NUBPL: variants seen among roughly 807,000 people sequenced by gnomAD.
The protein encoded by NUBPL is iron-sulfur cluster transfer protein NUBPL.
NUBPL carries 31 observed loss-of-function variants against 45.7 expected under a neutral mutation model. That is an observed-to-expected ratio of 0.68 (90% CI 0.51 to 0.92). The LOEUF is 0.92. Among genes scored for constraint, NUBPL ranks in the 40% least tolerant of loss-of-function variants. The pLI is 0.00. For synonymous variants in NUBPL, 144 were observed against 140.9 expected (o/e 1.02, Z -0.15); for missense variants, 401 against 398.7 (o/e 1.01, Z -0.05).
chr14:31,671,683 T>A (rs926619921), intron 4 of NUBPL, among the ~76,000 whole-genome samples: 4 of 152,154 alleles, frequency 2.6e-5, no homozygotes, highest in Admixed American at 2.0e-4. Context: ...AAATTAGGTA[T>A]GGGGAGATTG....
At chr14:31,819,491 A>G (rs2039979134) in intron 7 of NUBPL, among the ~76,000 whole-genome samples, 1 of 152,192 alleles carries the variant, frequency 6.6e-6, no homozygotes, top group African/African-American at 2.4e-5. Flanking sequence ...AGAATTAGAT[A>G]CAATCTATGC....
At chr14:31,669,141 G>T (rs2036509783) in intron 4 of NUBPL, among the ~76,000 whole-genome samples, 1 of 152,130 alleles carries the variant, frequency 6.6e-6, no homozygotes, top group Non-Finnish European at 1.5e-5. Context: ...AAGACTACAG[G>T]CATGCACCAC....
intron 3 of NUBPL, among the ~76,000 whole-genome samples, chr14:31,585,887 C>G (rs1180793264): frequency 6.6e-6 from 1 of 152,128 alleles, no homozygotes; most frequent in African/African-American, 2.4e-5. Context: ...TACAGATGTA[C>G]AGATGAATTG....
At chr14:31,779,714 T>C (rs549963774) in intron 6 of NUBPL, among the ~76,000 whole-genome samples, 12 of 152,312 alleles carry the variant, frequency 7.9e-5, no homozygotes, top group African/African-American at 2.2e-4. Context: ...AATCTACAGA[T>C]AGATAACAAG....
chr14:31,730,565 G>A (rs759918199), intron 6 of NUBPL, among the ~76,000 whole-genome samples: 3 of 151,012 alleles, frequency 2.0e-5, no homozygotes, highest in South Asian at 2.1e-4. Context: ...CTGGGTTCAC[G>A]CCATTCTCCT....
At chr14:31,827,740 T>C (rs759936259) in intron 8 of NUBPL, among the ~76,000 whole-genome samples, 1 of 152,172 alleles carries the variant, frequency 6.6e-6, no homozygotes, top group South Asian at 2.1e-4. Context: ...TGCCTACAAG[T>C]ATTTGTTTTG....
chr14:31,721,521 G>A (rs2037807771), intron 6 of NUBPL, among the ~76,000 whole-genome samples: 1 of 151,790 alleles, frequency 6.6e-6, no homozygotes, highest in Non-Finnish European at 1.5e-5. Flanking sequence ...TTTCAGATGA[G>A]GAAACAGAAG....
chr14:31,829,073 A>G (rs2040149720), intron 8 of NUBPL, among the ~76,000 whole-genome samples: 3 of 152,226 alleles, frequency 2.0e-5, no homozygotes, highest in Non-Finnish European at 4.4e-5. Context: ...GAAAGTTGAT[A>G]TTAGAGTATA....
At chr14:31,655,830 G>C (rs539983339) in intron 4 of NUBPL, among the ~76,000 whole-genome samples, 52 of 152,274 alleles carry the variant, frequency 3.4e-4, no homozygotes, top group African/African-American at 1.2e-3. Flanking sequence ...TTTCAAAATG[G>C]TCAGTGAATA....
intron 4 of NUBPL, among the ~76,000 whole-genome samples, chr14:31,637,217 T>C (rs2035530517): frequency 1.3e-5 from 2 of 152,228 alleles, no homozygotes; most frequent in Admixed American, 6.5e-5. Context: ...CTTTCTCTTG[T>C]GGGCATTTAG....
chr14:31,793,842 T>TTTA (rs1333703005), intron 7 of NUBPL, among the ~76,000 whole-genome samples: 1,927 of 124,986 alleles, frequency 0.015, 53 homozygotes, highest in African/African-American at 0.077. Flanking sequence ...TTTTTTTTTA[T>TTTA]TTTTTTTTTT....
At chr14:31,662,190 C>T (rs1595454740) in intron 4 of NUBPL, 1 of 151,680 alleles carries the variant, frequency 6.6e-6, no homozygotes, top group African/African-American at 2.4e-5. Context: ...TGAATCTGCT[C>T]ACATTTCTGA....
intron 6 of NUBPL, among the ~76,000 whole-genome samples, chr14:31,728,139 G>GT (rs1051469432): frequency 4.0e-5 from 6 of 151,764 alleles, no homozygotes; most frequent in Admixed American, 1.3e-4. Flanking sequence ...ATTGAAGCTA[G>GT]TTTTTTTTAC....
chr14:31,698,648 G>T (rs1476224077), intron 6 of NUBPL, among the ~76,000 whole-genome samples: 1 of 152,052 alleles, frequency 6.6e-6, no homozygotes, highest in East Asian at 1.9e-4. Flanking sequence ...CACGAAACCT[G>T]TCCTATAGAT....
chr14:31,697,117 T>C (rs1255759867), intron 6 of NUBPL, among the ~76,000 whole-genome samples: 1 of 152,222 alleles, frequency 6.6e-6, no homozygotes, highest in Non-Finnish European at 1.5e-5. Context: ...TTTGTGTATC[T>C]ACCAGAGGAA....
rs142297181 is a variant in NUBPL at position 31,810,715 on chromosome 14, A to G, written c.608-15914A>G. Among the ~76,000 whole-genome samples, 293 of 152,298 alleles carry G rather than the reference A, an allele frequency of 1.9e-3. 1 individual carries two copies. The highest frequency in any genetic ancestry group is 6.5e-3 in the African/African-American group (269 of 41,554). ...TTGATGCAGTTTCTTCCTAGCATCA[A>G]TGGTCTTTACACTTTGGCATGTTTT... On this transcript the variant is annotated intron_variant, in intron 7 of 10. Transcript: ENST00000281081.
At chr14:31,837,279 C>T (rs192628235) in intron 8 of NUBPL, among the ~76,000 whole-genome samples, 124 of 152,236 alleles carry the variant, frequency 8.1e-4, no homozygotes, top group African/African-American at 2.8e-3. Context: ...TTCAGTGAGC[C>T]GTGATCACAC....
intron 7 of NUBPL, among the ~76,000 whole-genome samples, chr14:31,814,842 G>T (rs1166624972): frequency 6.6e-6 from 1 of 152,122 alleles, no homozygotes; most frequent in Non-Finnish European, 1.5e-5. Context: ...AGATCAGATG[G>T]TTGTAGATGT....
chr14:31,846,590 A>G lies in NUBPL; in HGVS notation c.813A>G (p.Leu271=), dbSNP rs547462313. ...CACAGACCCTTGGTCTTGAAGTTCT[A>G]GGTAAGACTGTGGGATGTTCTTTTG... ...KLAQTLGLEV[L]GDIPLHLNIR... The change falls in exon 9 of 11, where the codon CTA becomes CTG. Residue 271 remains leucine (L), a splice_region_variant and synonymous_variant. Coordinates refer to ENST00000281081, the MANE Select transcript of NUBPL (RefSeq NM_025152.3). The G allele has an allele frequency of 1.9e-5, 31 of 1,613,558 alleles. 1 individual carries two copies. In the South Asian group the frequency reaches 3.0e-4, roughly 15 times the overall value.
Sources: gnomAD v4.1 joint callset for allele counts (sites outside exome capture counted in the v4.1 genomes callset) on GRCh38, gnomAD v4.1.1 for gene constraint, MANE v1.5 for transcripts, NCBI Gene and HGNC (gene_info 2026-07-23, HGNC 2026-07-21) for gene names.